The following HEATR6 variants were observed in gnomAD, a reference collection of about 807,000 sequenced individuals.
HEATR6 encodes the protein HEAT repeat-containing protein 6.
In HEATR6, 106 loss-of-function variants were observed where a neutral mutation model predicts 132.8. The ratio of observed to expected loss-of-function variants is 0.80; its 90% CI spans 0.68 to 0.94. HEATR6 has a LOEUF of 0.94. Among genes scored for constraint, HEATR6 ranks in the 40% least tolerant of loss-of-function variants. The probability of loss-of-function intolerance (pLI) is 0.00; values close to 1 mark genes in which losing one functional copy is unlikely to be tolerated. For missense variants in HEATR6, 1,339 were observed against 1,425.1 expected, an observed-to-expected ratio of 0.94 and a Z score of 0.97; for synonymous variants, 529 against 537.8, an observed-to-expected ratio of 0.98 and a Z score of 0.23.
rs773286663 is a variant in HEATR6, at chr17:60,069,823, C to T, written c.827G>A (p.Gly276Glu). 6.2e-7 allele frequency: 1 copy of T among 1,613,848 alleles called. No homozygotes were observed. Residue 276 changes from glycine to glutamate, a missense_variant, in exon 7 of 20, where the codon GGA becomes GAA. Gly to Glu is a moderately conservative substitution (Grantham distance 98). Transcript: ENST00000184956. ...LKKFMFHGLP[G>E]LNIEMPTVLY... ...CACCGTGGGCATCTCTATGTTTAGT[C>T]CAGGGAGTCCGTGAAACATGAATTT...
intron 5 of HEATR6, among the ~76,000 whole-genome samples, chr17:60,071,649 C>G (rs1186216673): frequency 6.6e-6 from 1 of 151,800 alleles, no homozygotes. Context: ...TAAGTTTTAA[C>G]AAAACAAGAA....
intron 9 of HEATR6, among the ~76,000 whole-genome samples, chr17:60,065,483 T>C (rs1453049838): frequency 6.6e-6 from 1 of 152,230 alleles, no homozygotes; most frequent in Admixed American, 6.5e-5. Flanking sequence ...CCATTCAGCA[T>C]GACTTTTTAA....
At chr17:60,046,457 C>T (rs1467912668) in intron 18 of HEATR6, among the ~76,000 whole-genome samples, 4 of 152,108 alleles carry the variant, frequency 2.6e-5, no homozygotes, top group African/African-American at 9.7e-5. Flanking sequence ...CTAGACAGGA[C>T]CTCAGAGAGG....
chr17:60,067,474 C>T lies in HEATR6; in HGVS notation c.1198G>A (p.Asp400Asn), dbSNP rs911784038. Residue 400 changes from aspartate to asparagine, a missense_variant, in exon 8 of 20, where the codon GAC becomes AAC. Asp to Asn is a conservative substitution (Grantham distance 23). Coordinates refer to ENST00000184956, the MANE Select transcript of HEATR6 (RefSeq NM_022070.5). ...ATGCCTCCTTCAGCATCAGAAAAGTCTGACTCACTACTGCTGACCCTTTTC... is the reference window on the plus strand; with the variant it reads ...ATGCCTCCTTCAGCATCAGAAAAGTTTGACTCACTACTGCTGACCCTTTTC... ...SWKRVSSSES[D>N]FSDAEGGMQS... is the part of the protein sequence containing the mutation. 7 of 1,576,570 alleles carry T rather than the reference C, an allele frequency of 4.4e-6. No individual in the cohort carries two copies. Among genetic ancestry groups the T allele is most frequent in the African/African-American group, 1.4e-5 (1 of 73,056 alleles).
intron 14 of HEATR6, among the ~76,000 whole-genome samples, chr17:60,054,802 C>T (rs767437234): frequency 3.3e-5 from 5 of 152,074 alleles, no homozygotes; most frequent in African/African-American, 1.2e-4. Context: ...TGAGTGATGC[C>T]GTAAAGAGTT....
At chr17:60,050,071 C>T (rs1160658990) in intron 15 of HEATR6, among the ~76,000 whole-genome samples, 11 of 152,160 alleles carry the variant, frequency 7.2e-5, no homozygotes, top group Admixed American at 3.3e-4. Context: ...CCCAAAATTC[C>T]TATGTTGAAA....
rs1906253675 is a variant in HEATR6 at position 60,043,540 on chromosome 17, A to G, written c.*23T>C. The G allele has an allele frequency of 8.9e-6, 14 of 1,580,832 alleles. No homozygotes were observed. The highest frequency in any genetic ancestry group is 1.1e-5 in the Non-Finnish European group (13 of 1,157,492). On this transcript the variant is annotated 3_prime_UTR_variant, in exon 20 of 20. Coordinates refer to ENST00000184956, the MANE Select transcript of HEATR6 (RefSeq NM_022070.5). ...AGGTCTTCCTACTGCCGCCTTCGAC[A>G]TCTAGAAAGTATGGTGGGATCTTCA...
rs749270838 is a variant in HEATR6, at chr17:60,078,855, C to T, written c.60G>A (p.Arg20=). 1.9e-5 allele frequency: 29 copies of T among 1,502,646 alleles called. No homozygotes were observed. In the Admixed American group the frequency reaches 4.9e-4, roughly 25 times the overall value. The allele number at this position is 1,502,646 out of a possible 1,614,324, so 93.1% of individuals were successfully genotyped here. A position where few individuals can be genotyped will look rare whatever the true frequency, so the allele number is the denominator to read the frequency against. The change falls in exon 1 of 20, where the codon CGG becomes CGA. Residue 20 remains arginine, a synonymous_variant. Coordinates refer to ENST00000184956, the MANE Select transcript of HEATR6 (RefSeq NM_022070.5). ...WPSVQPREAP[R]EAIPERGNGF... ...CATTGCCTCGCTCAGGGATTGCTTCCCGCGGTGCCTCCCGCGGCTGCACGG... is the reference window on the plus strand; with the variant it reads ...CATTGCCTCGCTCAGGGATTGCTTCTCGCGGTGCCTCCCGCGGCTGCACGG...
Position 60,044,066 on chromosome 17 carries a change from T to C in HEATR6, c.3043A>G (p.Lys1015Glu). Reference protein sequence around the residue: ...TSVVTSCKNFKVRIRSAAALS... With the variant: ...TSVVTSCKNFEVRIRSAAALS... ...GCAGCTGCAGATCTGATGCGCACTTTGAAGTTCTTGCATGATGTCACGACC... is the reference window on the plus strand; with the variant it reads ...GCAGCTGCAGATCTGATGCGCACTTCGAAGTTCTTGCATGATGTCACGACC... The change falls in exon 20 of 20, where the codon AAA (lysine) becomes GAA (glutamate). Residue 1015 changes from lysine to glutamate, a missense_variant. By Grantham distance (56) the Lys-to-Glu change is moderately conservative. Transcript: ENST00000184956. 6.2e-7 allele frequency: 1 copy of C among 1,614,172 alleles called. No homozygotes were observed.
Position 60,048,402 on chromosome 17 carries a change from C to T in HEATR6, c.2548-14G>A. The T allele has an allele frequency of 6.2e-7, 1 of 1,602,212 alleles. No homozygotes were observed. Among genetic ancestry groups the T allele is most frequent in the Non-Finnish European group, 8.5e-7 (1 of 1,171,500 alleles). ...AAATATGACATCCTGTAACACAAAA[C>T]AAAACACTGCAGTTACTTTAGCAGG... On this transcript the variant is annotated splice_polypyrimidine_tract_variant and intron_variant, in intron 16 of 19. Coordinates refer to ENST00000184956, the MANE Select transcript of HEATR6 (RefSeq NM_022070.5).
chr17:60,062,799 C>T (rs750609585), intron 9 of HEATR6, among the ~76,000 whole-genome samples: 5 of 152,156 alleles, frequency 3.3e-5, no homozygotes, highest in African/African-American at 7.2e-5. Context: ...AGCATTCTCA[C>T]GTGTTGTGGG....
intron 8 of HEATR6, 73 bp downstream of exon 8, chr17:60,067,361 G>T: frequency 1.9e-6 from 2 of 1,029,930 alleles, no homozygotes; most frequent in Non-Finnish European, 2.7e-6. Flanking sequence ...ATCACATGCA[G>T]CATTCAGGTT....
intron 14 of HEATR6, among the ~76,000 whole-genome samples, chr17:60,054,626 G>C (rs912472713): frequency 1.3e-5 from 2 of 152,198 alleles, no homozygotes; most frequent in African/African-American, 2.4e-5. Context: ...ATTTGTGTGG[G>C]GCTTGTTGCC....
At chr17:60,066,159 C>T in intron 9 of HEATR6, 50 bp downstream of exon 9, 1 of 1,428,538 alleles carries the variant, frequency 7.0e-7, no homozygotes, top group South Asian at 1.2e-5. Context: ...CAATAAGGAT[C>T]TGTAAATTTT....
At chr17:60,066,459 G>A in intron 8 of HEATR6, 73 bp from the exon 9 acceptor site, 35 of 1,058,722 alleles carry the variant, frequency 3.3e-5, no homozygotes, top group South Asian at 2.1e-4. Flanking sequence ...AACATGAAAT[G>A]GTATTTATTT....
intron 10 of HEATR6, 33 bp from the exon 11 acceptor site, chr17:60,059,554 C>T: frequency 7.1e-7 from 1 of 1,415,626 alleles, no homozygotes; most frequent in Non-Finnish European, 9.9e-7. Flanking sequence ...CATCAAAAGG[C>T]TTGATTAAAC....
intron 5 of HEATR6, among the ~76,000 whole-genome samples, chr17:60,071,120 TAAA>T (rs1206394846): frequency 2.6e-5 from 4 of 151,994 alleles, no homozygotes; most frequent in Admixed American, 2.6e-4. Flanking sequence ...TGACAAGGGA[TAAA>T]AAAGATAGCA....
In HEATR6 at chr17:60,042,255, G is replaced by C. The variant is rs928806521; in HGVS notation, c.*1308C>G. On this transcript the variant is annotated 3_prime_UTR_variant, in exon 20 of 20. Transcript: ENST00000184956. ...TGCTGGGAGTTAACTCTGGTTATTG[G>C]ATTGTGGGGAGGTGTGGCAGGGAAG... Among the ~76,000 whole-genome samples, 4 of 152,260 alleles carry C rather than the reference G, an allele frequency of 2.6e-5. No individual in the cohort carries two copies. Among genetic ancestry groups the C allele is most frequent in the Non-Finnish European group, 5.9e-5 (4 of 68,048 alleles).
At chr17:60,074,183 T>C (rs921824962) in intron 2 of HEATR6, 4 of 1,058,246 alleles carry the variant, frequency 3.8e-6, no homozygotes, top group Non-Finnish European at 4.6e-6. Context: ...GATATGAGTA[T>C]TTCAACGCAC....
Sources: gnomAD v4.1 joint callset for allele counts (sites outside exome capture counted in the v4.1 genomes callset) on GRCh38, gnomAD v4.1.1 for gene constraint, MANE v1.5 for transcripts, NCBI Gene and HGNC (gene_info 2026-07-23, HGNC 2026-07-21) for gene names.